CRYM: variants seen among roughly 807,000 people sequenced by gnomAD.
CRYM encodes the protein ketimine reductase mu-crystallin.
CRYM carries 18 observed loss-of-function variants against 32.9 expected under a neutral mutation model. The ratio of observed to expected loss-of-function variants is 0.55; its 90% CI spans 0.38 to 0.81. The LOEUF is 0.81. Ranked by LOEUF, CRYM falls within the 30% of genes least tolerant of loss-of-function variation. The probability of loss-of-function intolerance (pLI) is 0.00; values close to 1 mark genes in which losing one functional copy is unlikely to be tolerated. For missense variants in CRYM, 337 were observed against 393.5 expected (o/e 0.86, Z 1.21); for synonymous variants, 153 against 152.4 (o/e 1.00, Z -0.03).
rs139657321 is a variant in CRYM at position 21,301,833 on chromosome 16, G to A, written c.-193+1145C>T. ...GGCGTTGGGAGGAGGAGTCCCGCCG[G>A]GTGGACGCGCGCCCTTCAGCGGCGG... On this transcript the variant is annotated intron_variant, in intron 1 of 9. Transcript: ENST00000219599. Among the ~76,000 whole-genome samples the A allele has an allele frequency of 8.1e-3, 1,227 of 152,288 alleles. 18 individuals carry two copies. The highest frequency in any genetic ancestry group is 0.028 in the African/African-American group (1,153 of 41,572).
At chr16:21,260,738 C>T (rs2093352903) in intron 7 of CRYM, among the ~76,000 whole-genome samples, 1 of 152,146 alleles carries the variant, frequency 6.6e-6, no homozygotes, top group Non-Finnish European at 1.5e-5. Context: ...TAGGGGGCTC[C>T]CCATGGAAGC....
At chr16:21,271,149 T>C (rs2093374668) in intron 3 of CRYM, among the ~76,000 whole-genome samples, 2 of 152,204 alleles carry the variant, frequency 1.3e-5, no homozygotes, top group Non-Finnish European at 1.5e-5. Context: ...CTGTGTATTA[T>C]AGGATGTGCA....
chr16:21,278,448 A>AAGGGG, upstream of CRYM: 1 of 632,076 alleles, frequency 1.6e-6, no homozygotes, highest in Non-Finnish European at 2.8e-6. Flanking sequence ...AGGGTGGGCG[A>AAGGGG]GATGGGTCCC....
intron 3 of CRYM, 90 bp from the exon 4 acceptor site, chr16:21,269,981 G>A: frequency 1.2e-6 from 1 of 864,398 alleles, no homozygotes; most frequent in Non-Finnish European, 2.0e-6. Context: ...GGTGACTTCT[G>A]CCCTCTCTTC....
At chr16:21,285,473 A>G (rs1470851461) in intron 1 of CRYM, among the ~76,000 whole-genome samples, 5 of 152,262 alleles carry the variant, frequency 3.3e-5, no homozygotes, top group Non-Finnish European at 7.3e-5. Flanking sequence ...GTGCAAGCAC[A>G]GAAACCATAC....
intron 1 of CRYM, among the ~76,000 whole-genome samples, chr16:21,302,353 A>G (rs1960970160): frequency 6.6e-6 from 1 of 152,250 alleles, no homozygotes. Flanking sequence ...CATTGCGAGA[A>G]CATGTTAAGT....
chr16:21,267,671 G>A lies in CRYM; in HGVS notation c.556C>T (p.Arg186Trp), dbSNP rs746622068. Residue 186 changes from arginine to tryptophan, a missense_variant, in exon 5 of 8, where the codon CGG becomes TGG. By Grantham distance (101) the Arg-to-Trp change is moderately radical (BLOSUM62 -3). Transcript: ENST00000572914. Reference sequence around the variant, plus strand: ...GCCTCCTGGACCGAAGAACAGACCCGTACCTCTCCTTGCACTGTGTCTGCA... The same window carrying A: ...GCCTCCTGGACCGAAGAACAGACCCATACCTCTCCTTGCACTGTGTCTGCA... Reference protein sequence around the residue: ...KFADTVQGEVRVCSSVQEAVA... With the variant: ...KFADTVQGEVWVCSSVQEAVA... 6.2e-6 allele frequency: 10 copies of A among 1,614,098 alleles called. No homozygotes were observed. The highest frequency in any genetic ancestry group is 4.4e-5 in the South Asian group (4 of 91,092).
At chr16:21,297,713 T>A (rs975991355) in intron 1 of CRYM, among the ~76,000 whole-genome samples, 1 of 152,194 alleles carries the variant, frequency 6.6e-6, no homozygotes, top group African/African-American at 2.4e-5. Flanking sequence ...TATGCATGTA[T>A]GTAGATATGT....
At position 21,258,526 on chromosome 16, in the gene CRYM, A is replaced by G; in HGVS notation, c.*255T>C. 1 of 534,594 alleles carries G rather than the reference A, an allele frequency of 1.9e-6. No individual in the cohort carries two copies. Among genetic ancestry groups the G allele is most frequent in the Non-Finnish European group, 3.4e-6 (1 of 298,136 alleles). 33.1% of individuals were successfully genotyped at this position (534,594 alleles called of 1,614,324 possible). On this transcript the variant is annotated 3_prime_UTR_variant, in exon 8 of 8. Coordinates refer to ENST00000572914, the MANE Select transcript of CRYM (RefSeq NM_001376256.1). ...GAAGTTACCGAAGCAAACACTGCAC[A>G]ATTGGAATGTGCTTTATTTCAGGGA...
chr16:21,279,817 C>A (rs887494813), upstream of CRYM, among the ~76,000 whole-genome samples: 4 of 152,010 alleles, frequency 2.6e-5, no homozygotes, highest in African/African-American at 9.7e-5. Flanking sequence ...AAAATCAGTA[C>A]CAATGAAATG....
chr16:21,282,746 A>G (rs2093400360), upstream of CRYM, among the ~76,000 whole-genome samples: 2 of 152,154 alleles, frequency 1.3e-5, no homozygotes, highest in African/African-American at 4.8e-5. Context: ...CATCTTCCTG[A>G]TAAAGCTTTG....
chr16:21,290,066 T>C (rs1275357181), intron 1 of CRYM, among the ~76,000 whole-genome samples: 1 of 149,560 alleles, frequency 6.7e-6, no homozygotes, highest in Non-Finnish European at 1.5e-5. Flanking sequence ...GACCAATCAG[T>C]GTTCTGTAAA....
chr16:21,299,588 G>A (rs978646034), intron 1 of CRYM, among the ~76,000 whole-genome samples: 1 of 152,248 alleles, frequency 6.6e-6, no homozygotes, highest in African/African-American at 2.4e-5. Flanking sequence ...GGGATTACAG[G>A]CGTGAGCCAC....
chr16:21,297,771 T>C (rs1960818913), intron 1 of CRYM, among the ~76,000 whole-genome samples: 1 of 152,182 alleles, frequency 6.6e-6, no homozygotes, highest in Non-Finnish European at 1.5e-5. Context: ...AGAACTTCTA[T>C]AGAACATATT....
At chr16:21,273,966 C>A (rs1163601816) in intron 3 of CRYM, among the ~76,000 whole-genome samples, 1 of 152,180 alleles carries the variant, frequency 6.6e-6, no homozygotes, top group African/African-American at 2.4e-5. Context: ...CCTTCGCATA[C>A]AATTACCAGA....
intron 1 of CRYM, among the ~76,000 whole-genome samples, chr16:21,296,748 C>G (rs946600315): frequency 5.9e-5 from 9 of 152,334 alleles, no homozygotes; most frequent in Middle Eastern, 3.4e-3. Context: ...CGGGGGCTCA[C>G]GCCTGTAATC....
Position 21,268,292 on chromosome 16 carries a change from C to T in CRYM, c.490-555G>A, listed in dbSNP as rs376937817. ...AATGTTTTTCATGGAATAACTTGAT[C>T]GGTGAAGAATACTTAGGAAATTCAA... is the stretch of plus-strand genomic sequence containing the variant. On this transcript the variant is annotated intron_variant, in intron 4 of 7. Coordinates refer to ENST00000572914, the MANE Select transcript of CRYM (RefSeq NM_001376256.1). Among the ~76,000 whole-genome samples, 8 of 152,078 alleles carry T rather than the reference C, an allele frequency of 5.3e-5. No individual in the cohort carries two copies. In the South Asian group the frequency reaches 6.2e-4, roughly 12 times the overall value.
rs1036963608 is a variant in CRYM, at chr16:21,258,543, T to C, written c.*238A>G. 1.9e-5 allele frequency: 11 copies of C among 565,990 alleles called. No homozygotes were observed. Among genetic ancestry groups the C allele is most frequent in the Non-Finnish European group, 3.2e-5 (10 of 317,308 alleles). 35.1% of individuals were successfully genotyped at this position (565,990 alleles called of 1,614,324 possible). On this transcript the variant is annotated 3_prime_UTR_variant, in exon 8 of 8. Coordinates refer to ENST00000572914, the MANE Select transcript of CRYM (RefSeq NM_001376256.1). ...CACTGCACAATTGGAATGTGCTTTATTTCAGGGAAATATAAAGGGAAATGA... is the reference window on the plus strand; with the variant it reads ...CACTGCACAATTGGAATGTGCTTTACTTCAGGGAAATATAAAGGGAAATGA...
intron 3 of CRYM, among the ~76,000 whole-genome samples, chr16:21,270,610 G>A (rs2093373521): frequency 6.6e-6 from 1 of 152,132 alleles, no homozygotes; most frequent in Non-Finnish European, 1.5e-5. Context: ...GAAGGGCACA[G>A]TGTGGCTCTA....
Sources: gnomAD v4.1 joint callset for allele counts (sites outside exome capture counted in the v4.1 genomes callset) on GRCh38, gnomAD v4.1.1 for gene constraint, MANE v1.5 for transcripts, NCBI Gene and HGNC (gene_info 2026-07-23, HGNC 2026-07-21) for gene names.